The following MMP17 variants were observed in gnomAD, a reference collection of about 807,000 sequenced individuals.
MMP17 encodes matrix metalloproteinase-17.
In MMP17, 54 loss-of-function variants were observed where a neutral mutation model predicts 49.1. The observed-to-expected ratio is 1.10, with a 90% CI of 0.88 to 1.38. The LOEUF (loss-of-function observed/expected upper bound fraction) is 1.38. Ranked by LOEUF, MMP17 falls within the 40% of genes most tolerant of loss-of-function variation. The probability of loss-of-function intolerance (pLI) is 0.00; values close to 1 mark genes in which losing one functional copy is unlikely to be tolerated. For missense variants in MMP17, 837 were observed against 853.7 expected (o/e 0.98, Z 0.24); for synonymous variants, 397 against 383.1 (o/e 1.04, Z -0.42).
chr12:131,838,262 A>G lies in MMP17; in HGVS notation c.227A>G (p.Glu76Gly). Residue 76 changes from glutamate to glycine, a missense_variant, in exon 2 of 10, where the codon GAG (glutamate) becomes GGG (glycine). Transcript: ENST00000360564. ...DPTTGQLQTQ[E>G]ELSKAITAMQ... ...ACAACAGGGCAGCTGCAGACGCAAGAGGAGCTGTCTAAGGCCATCACAGCC... is the reference window on the plus strand; with the variant it reads ...ACAACAGGGCAGCTGCAGACGCAAGGGGAGCTGTCTAAGGCCATCACAGCC... The G allele has an allele frequency of 1.2e-6, 2 of 1,613,306 alleles. No individual in the cohort carries two copies. Among genetic ancestry groups the G allele is most frequent in the Admixed American group, 1.7e-5 (1 of 60,026 alleles).
intron 1 of MMP17, among the ~76,000 whole-genome samples, chr12:131,831,623 C>A (rs995796533): frequency 2.0e-5 from 3 of 151,392 alleles, no homozygotes; most frequent in African/African-American, 7.3e-5. Context: ...TCTGACTGTC[C>A]CTTGCTCCGC....
Position 131,850,967 on chromosome 12 carries a change from T to A in MMP17, c.1505T>A (p.Leu502Gln). The A allele has an allele frequency of 6.5e-7, 1 of 1,545,258 alleles. No individual in the cohort carries two copies. ...FFRGQEYWKV[L>Q]DGELEVAPGY... is the part of the protein sequence containing the mutation. ...CGTGGCCAGGAGTACTGGAAAGTGCTGGATGGCGAGCTGGAGGTGGCACCC... is the reference window on the plus strand; with the variant it reads ...CGTGGCCAGGAGTACTGGAAAGTGCAGGATGGCGAGCTGGAGGTGGCACCC... The change falls in exon 10 of 10, where the codon CTG (leucine) becomes CAG (glutamine). Residue 502 changes from leucine to glutamine, a missense_variant. By Grantham distance (113) the Leu-to-Gln change is moderately radical (BLOSUM62 -2). Coordinates refer to ENST00000360564, the MANE Select transcript of MMP17 (RefSeq NM_016155.7).
At chr12:131,833,688 C>T (rs1051867861) in intron 1 of MMP17, among the ~76,000 whole-genome samples, 2 of 152,228 alleles carry the variant, frequency 1.3e-5, no homozygotes, top group Non-Finnish European at 2.9e-5. Flanking sequence ...GCTGATGACA[C>T]CTGCTCTCCC....
At position 131,838,261 on chromosome 12, in the gene MMP17, G is replaced by C; in HGVS notation, c.226G>C (p.Glu76Gln). The change falls in exon 2 of 10, where the codon GAG (glutamate) becomes CAG (glutamine). Residue 76 changes from glutamate (E) to glutamine (Q), a missense_variant. Physicochemically the swap from Glu to Gln is conservative, Grantham distance 29 (BLOSUM62 2). Coordinates refer to ENST00000360564, the MANE Select transcript of MMP17 (RefSeq NM_016155.7). ...DPTTGQLQTQ[E>Q]ELSKAITAMQ... Reference sequence around the variant, plus strand: ...CACAACAGGGCAGCTGCAGACGCAAGAGGAGCTGTCTAAGGCCATCACAGC... The same window carrying C: ...CACAACAGGGCAGCTGCAGACGCAACAGGAGCTGTCTAAGGCCATCACAGC... 2 of 1,613,328 alleles carry C rather than the reference G, an allele frequency of 1.2e-6. No homozygotes were observed. The highest frequency in any genetic ancestry group is 1.1e-5 in the South Asian group (1 of 91,070).
chr12:131,844,996 G>A, intron 6 of MMP17, 122 bp from the exon 7 acceptor site: 2 of 993,348 alleles, frequency 2.0e-6, no homozygotes, highest in Non-Finnish European at 3.1e-6. Flanking sequence ...TCTAGGCAAG[G>A]ATAGGGGCTC....
intron 1 of MMP17, chr12:131,837,926 G>A (rs941562986): frequency 8.1e-5 from 25 of 309,302 alleles, no homozygotes; most frequent in Middle Eastern, 9.1e-4. Flanking sequence ...TAGCTAGGAT[G>A]GTCTCCATCT....
rs1002954413 is a variant in MMP17 at position 131,847,695 on chromosome 12, G to A, written c.1205-2107G>A. Among the ~76,000 whole-genome samples, 4 of 152,260 alleles carry A rather than the reference G, an allele frequency of 2.6e-5. No homozygotes were observed. The South Asian group carries it at 6.2e-4, about 24-fold the overall frequency. On this transcript the variant is annotated intron_variant, in intron 8 of 9. Coordinates refer to ENST00000360564, the MANE Select transcript of MMP17 (RefSeq NM_016155.7). ...GCACATCTGGCAGGAATGCCACCGA[G>A]GGCAGGTGTTCTGAGCCCCGAGCCG...
intron 6 of MMP17, 170 bp downstream of exon 6, chr12:131,844,251 G>A (rs1048954616): frequency 1.1e-5 from 7 of 616,224 alleles, no homozygotes; most frequent in African/African-American, 1.9e-5. Context: ...TCTAATACCG[G>A]CCCTCCCCTG....
In MMP17 at chr12:131,843,057, G is replaced by A. The variant is rs189877650; in HGVS notation, c.884-940G>A. Among the ~76,000 whole-genome samples, 159 of 151,980 alleles carry A rather than the reference G, an allele frequency of 1.0e-3. 1 individual carries two copies. In the East Asian group the frequency reaches 0.025, roughly 23 times the overall value. On this transcript the variant is annotated intron_variant, in intron 5 of 9. Transcript: ENST00000360564. The stretch of plus-strand genomic sequence containing the variant: ...GTCACCCAGGCTGGAGCGCAGTGGC[G>A]CGATCTCGGCTCGCTGCGACCTCAG...
At chr12:131,849,109 G>A (rs189788688) in intron 8 of MMP17, among the ~76,000 whole-genome samples, 96 of 152,282 alleles carry the variant, frequency 6.3e-4, no homozygotes, top group African/African-American at 2.2e-3. Context: ...GCGAGGGGGC[G>A]TCTCATTGTG....
rs1887731544 is a variant in MMP17, at chr12:131,846,907, C to A, written c.1204+1458C>A. ...CTGTAACTCCATCGCCTGCCCGGCC[C>A]TCAGCATTTGACTCCGTCACCCCCA... On this transcript the variant is annotated intron_variant, in intron 8 of 9. Transcript: ENST00000360564. The surrounding 1 kb of genome is among the most constrained non-coding windows in gnomAD (Gnocchi z 4.6). Among the ~76,000 whole-genome samples, 1 of 152,122 alleles carries A rather than the reference C, an allele frequency of 6.6e-6. No homozygotes were observed. Among genetic ancestry groups the A allele is most frequent in the Non-Finnish European group, 1.5e-5 (1 of 68,022 alleles).
chr12:131,832,576 T>C, intron 1 of MMP17, among the ~76,000 whole-genome samples: 1 of 152,020 alleles, frequency 6.6e-6, no homozygotes, highest in East Asian at 1.9e-4. Flanking sequence ...GGGCGGCGTT[T>C]CTGTCACGCA....
In MMP17 at chr12:131,844,021, C is replaced by A. The variant is rs576958364; in HGVS notation, c.908C>A (p.Thr303Lys). 9 of 1,567,148 alleles carry A rather than the reference C, an allele frequency of 5.7e-6. No individual in the cohort carries two copies. Among genetic ancestry groups the A allele is most frequent in the Non-Finnish European group, 6.0e-6 (7 of 1,158,220 alleles). ...GGTGTGCGGGAGTCTGTGTCTCCCACGGCGCAGCCCGAGGAGCCTCCCCTG... is the reference window on the plus strand; with the variant it reads ...GGTGTGCGGGAGTCTGTGTCTCCCAAGGCGCAGCCCGAGGAGCCTCCCCTG... ...LYGVRESVSP[T>K]AQPEEPPLLP... Residue 303 changes from threonine (T) to lysine (K), a missense_variant, in exon 6 of 10, where the codon ACG becomes AAG. Transcript: ENST00000360564.
intron 8 of MMP17, among the ~76,000 whole-genome samples, chr12:131,849,494 A>G (rs1042139612): frequency 6.6e-6 from 1 of 152,152 alleles, no homozygotes; most frequent in African/African-American, 2.4e-5. Context: ...AAAAATAATG[A>G]TCATAATAAT....
chr12:131,830,510 C>G (rs957869961), intron 1 of MMP17, among the ~76,000 whole-genome samples: 1 of 152,236 alleles, frequency 6.6e-6, no homozygotes, highest in Non-Finnish European at 1.5e-5. Flanking sequence ...TGCGGGGCGT[C>G]CTCTGCTGGC....
chr12:131,849,723 A>G (rs1176632501), intron 8 of MMP17, 79 bp from the exon 9 acceptor site: 1 of 1,509,354 alleles, frequency 6.6e-7, no homozygotes, highest in Non-Finnish European at 8.9e-7. Context: ...CGGCTGACAC[A>G]GGAGAAGGAA....
chr12:131,833,627 G>T (rs1052611802), intron 1 of MMP17, among the ~76,000 whole-genome samples: 9 of 152,244 alleles, frequency 5.9e-5, no homozygotes, highest in African/African-American at 2.2e-4. Context: ...TGTGACCGTG[G>T]ACAGGTTATC....
intron 6 of MMP17, 183 bp downstream of exon 6, chr12:131,844,264 AG>A: frequency 1.7e-6 from 1 of 602,676 alleles, no homozygotes; most frequent in Non-Finnish European, 2.9e-6. Flanking sequence ...CTCCCCTGCC[AG>A]GGGTCCTGCA....
chr12:131,850,138 G>C, intron 9 of MMP17, 79 bp downstream of exon 9: 2 of 1,470,280 alleles, frequency 1.4e-6, no homozygotes, highest in Non-Finnish European at 1.8e-6. Flanking sequence ...GGGCAGCCAA[G>C]AGGTTCCCTG....
Sources: gnomAD v4.1 joint callset for allele counts (sites outside exome capture counted in the v4.1 genomes callset) on GRCh38, gnomAD v4.1.1 for gene constraint, Gnocchi (gnomAD v3.1) non-coding constraint, MANE v1.5 for transcripts, NCBI Gene and HGNC (gene_info 2026-07-23, HGNC 2026-07-21) for gene names.